Variants in UBR3 observed in about 807,000 individuals in gnomAD.
The protein encoded by UBR3 is E3 ubiquitin-protein ligase UBR3.
A neutral mutation model predicts 243.2 loss-of-function variants in UBR3; 85 were observed. That is an observed-to-expected ratio of 0.35 (90% CI 0.29 to 0.42). The LOEUF (loss-of-function observed/expected upper bound fraction) is 0.42. Ranked by LOEUF, UBR3 falls within the 10% of genes least tolerant of loss-of-function variation. The pLI is 1.00. For synonymous variants in UBR3, 748 were observed against 799.8 expected (o/e 0.94, Z 1.09); for missense variants, 1,686 against 2,300.8 (o/e 0.73, Z 5.47).
At chr2:169,937,981 T>C (rs79203132) in intron 19 of UBR3, among the ~76,000 whole-genome samples, 168 of 152,326 alleles carry the variant, frequency 1.1e-3, no homozygotes, top group African/African-American at 3.9e-3. Context: ...CAAATACTTA[T>C]ATGATGATTT....
chr2:169,932,203 G>A (rs1456027265), intron 18 of UBR3, among the ~76,000 whole-genome samples: 4 of 151,602 alleles, frequency 2.6e-5, no homozygotes, highest in Non-Finnish European at 4.4e-5. Flanking sequence ...TCAGCCACCC[G>A]AGTAGCTGGG....
chr2:170,033,077 A>G (rs1417333643), intron 31 of UBR3, among the ~76,000 whole-genome samples: 1 of 152,072 alleles, frequency 6.6e-6, no homozygotes, highest in Non-Finnish European at 1.5e-5. Context: ...CAAAGATGGT[A>G]TACAGAGTAT....
At chr2:169,843,910 A>G (rs2114647) in intron 1 of UBR3, among the ~76,000 whole-genome samples, 28,249 of 152,060 alleles carry the variant, frequency 0.19, 2,923 homozygotes, top group Admixed American at 0.27. Context: ...CCGTGAAACA[A>G]TCTAGGTTTG....
At chr2:169,935,039 G>A (rs915365233) in intron 19 of UBR3, among the ~76,000 whole-genome samples, 1 of 152,048 alleles carries the variant, frequency 6.6e-6, no homozygotes, top group Non-Finnish European at 1.5e-5. Context: ...CTCTTAAAAA[G>A]AAAACAAAAA....
At chr2:170,038,805 G>A (rs2090893813) in intron 31 of UBR3, among the ~76,000 whole-genome samples, 1 of 152,134 alleles carries the variant, frequency 6.6e-6, no homozygotes, top group African/African-American at 2.4e-5. Context: ...AGAGGGGAAA[G>A]TATTAGGTTG....
intron 1 of UBR3, among the ~76,000 whole-genome samples, chr2:169,864,127 C>A (rs2083176607): frequency 6.6e-6 from 1 of 152,022 alleles, no homozygotes; most frequent in African/African-American, 2.4e-5. Context: ...CTCACTGCAA[C>A]CTTCTGCGTA....
chr2:169,845,502 TCGTCGTCGTC>T (rs1559012052), intron 1 of UBR3, among the ~76,000 whole-genome samples: 1,618 of 15,974 alleles, frequency 0.1, 41 homozygotes, highest in African/African-American at 0.19. Flanking sequence ...TTCGTCGTCA[TCGTCGTCGTC>T]GTCGTCGTCG....
intron 11 of UBR3, 45 bp downstream of exon 11, chr2:169,914,191 G>A (rs2085362900): frequency 3.7e-6 from 4 of 1,066,774 alleles, no homozygotes; most frequent in Non-Finnish European, 5.2e-6. Context: ...TGTATGTAAA[G>A]ACATTTAAGA....
intron 30 of UBR3, among the ~76,000 whole-genome samples, chr2:170,017,524 C>G (rs1224620334): frequency 6.9e-5 from 1 of 14,554 alleles, no homozygotes; most frequent in South Asian, 4.9e-3. Context: ...TAATTACGGA[C>G]ACACACACAC....
chr2:169,876,084 CTTTTTT>C, intron 3 of UBR3, 135 bp downstream of exon 3: 6 of 418,080 alleles, frequency 1.4e-5, no homozygotes, highest in Non-Finnish European at 1.8e-5. Context: ...AAGAGAACTT[CTTTTTT>C]TTTTTTTTTT....
intron 24 of UBR3, among the ~76,000 whole-genome samples, chr2:169,971,001 T>C (rs969324575): frequency 2.1e-5 from 3 of 146,152 alleles, no homozygotes; most frequent in Non-Finnish European, 4.5e-5. Context: ...TTTCTGACTT[T>C]TTAATGATTG....
intron 6 of UBR3, among the ~76,000 whole-genome samples, chr2:169,893,148 ATT>A (rs1443112776): frequency 6.6e-6 from 1 of 152,202 alleles, no homozygotes; most frequent in Non-Finnish European, 1.5e-5. Flanking sequence ...GACATCACCT[ATT>A]TTAAGAACAA....
rs79069419 is a variant in UBR3, at chr2:169,886,493, A to G, written c.1039-4672A>G. On this transcript the variant is annotated intron_variant, in intron 5 of 38. Coordinates refer to ENST00000272793, the MANE Select transcript of UBR3 (RefSeq NM_172070.4). ...TCGCATATTTCTTGTTTTGCCTTCT[A>G]GAAAGATTTTTATTTCCAGATGACA... is the stretch of plus-strand genomic sequence containing the variant. Among the ~76,000 whole-genome samples the G allele has an allele frequency of 4.6e-3, 696 of 152,304 alleles. 6 individuals are homozygous for G. Among genetic ancestry groups the G allele is most frequent in the African/African-American group, 0.016 (654 of 41,562 alleles).
chr2:170,059,234 A>G (rs2091407079), intron 33 of UBR3, among the ~76,000 whole-genome samples: 1 of 152,348 alleles, frequency 6.6e-6, no homozygotes, highest in Non-Finnish European at 1.5e-5. Context: ...AAAATTTGCC[A>G]TGTGTAAAAT....
At chr2:170,000,508 A>G (rs62171993) in intron 26 of UBR3, among the ~76,000 whole-genome samples, 10,358 of 152,338 alleles carry the variant, frequency 0.068, 372 homozygotes, top group Non-Finnish European at 0.086. Context: ...AGAGTGTGAT[A>G]TAGAATGACT....
At chr2:169,872,593 G>A (rs946850459) in intron 2 of UBR3, among the ~76,000 whole-genome samples, 1 of 152,142 alleles carries the variant, frequency 6.6e-6, no homozygotes, top group African/African-American at 2.4e-5. Context: ...TGCTTCCGGG[G>A]TCATAAATGT....
At chr2:170,074,684 G>A (rs960339172) in intron 36 of UBR3, among the ~76,000 whole-genome samples, 3 of 152,098 alleles carry the variant, frequency 2.0e-5, no homozygotes, top group Admixed American at 6.6e-5. Flanking sequence ...CCTTTGCTAA[G>A]ATAAATGTGA....
chr2:170,059,705 C>T (rs1208080701), intron 33 of UBR3, among the ~76,000 whole-genome samples: 2 of 151,992 alleles, frequency 1.3e-5, no homozygotes, highest in Non-Finnish European at 2.9e-5. Context: ...ACCGCAGAGT[C>T]AGAGTCGTTT....
chr2:169,951,402 G>A (rs894724774), intron 23 of UBR3, among the ~76,000 whole-genome samples: 2 of 152,164 alleles, frequency 1.3e-5, no homozygotes, highest in Non-Finnish European at 2.9e-5. Context: ...TTCATTGGGT[G>A]TCAGTCAAGC....
Sources: allele counts gnomAD v4.1 joint callset (sites outside exome capture counted in the v4.1 genomes callset), GRCh38; gene constraint gnomAD v4.1.1; transcripts MANE v1.5; gene names NCBI Gene and HGNC (gene_info 2026-07-23, HGNC 2026-07-21).